Variants in NCAM2 observed in about 807,000 individuals in gnomAD.
The protein encoded by NCAM2 is neural cell adhesion molecule 2.
A neutral mutation model predicts 98.1 loss-of-function variants in NCAM2; 30 were observed. The ratio of observed to expected loss-of-function variants is 0.31; its 90% CI spans 0.23 to 0.41. The LOEUF (loss-of-function observed/expected upper bound fraction) is 0.41. Ranked by LOEUF, NCAM2 falls within the 10% of genes least tolerant of loss-of-function variation. The pLI, the probability that NCAM2 is intolerant of heterozygous loss-of-function variation, is 1.00. For missense variants in NCAM2, 867 were observed against 1,005.8 expected (o/e 0.86, Z 1.87); for synonymous variants, 368 against 342.4 (o/e 1.07, Z -0.83).
intron 8 of NCAM2, among the ~76,000 whole-genome samples, chr21:21,348,179 G>A (rs186775189): frequency 2.0e-4 from 31 of 152,176 alleles, no homozygotes; most frequent in African/African-American, 7.5e-4. Flanking sequence ...AATTATCCTT[G>A]TTTTTAGATG....
At chr21:21,289,328 G>A (rs767447959) in intron 4 of NCAM2, among the ~76,000 whole-genome samples, 7 of 151,990 alleles carry the variant, frequency 4.6e-5, no homozygotes, top group Admixed American at 1.3e-4. Context: ...TAAGAATCTA[G>A]AGGGAAAGAT....
At chr21:21,451,632 A>G (rs1427929071) in intron 12 of NCAM2, among the ~76,000 whole-genome samples, 4 of 152,164 alleles carry the variant, frequency 2.6e-5, no homozygotes, top group African/African-American at 9.6e-5. Flanking sequence ...ACAACTGTGT[A>G]ATATGTGCTA....
chr21:21,117,581 T>C (rs1355201291), intron 1 of NCAM2, among the ~76,000 whole-genome samples: 1 of 152,186 alleles, frequency 6.6e-6, no homozygotes, highest in Non-Finnish European at 1.5e-5. Context: ...TAGGAAATAC[T>C]ACAATTTGCA....
rs1351028227 is a variant in NCAM2, at chr21:21,542,167, A to G, written c.*4210A>G. ...GTCCAAATGAGAAATTTATAAAAAGACCCACATATAGTAGTTGCTGAACAA... is the reference window on the plus strand; with the variant it reads ...GTCCAAATGAGAAATTTATAAAAAGGCCCACATATAGTAGTTGCTGAACAA... On this transcript the variant is annotated 3_prime_UTR_variant, in exon 18 of 18. Coordinates refer to ENST00000400546, the MANE Select transcript of NCAM2 (RefSeq NM_004540.5). 1 of 151,862 alleles carries G rather than the reference A, an allele frequency of 6.6e-6. No homozygotes were observed. The highest frequency in any genetic ancestry group is 1.5e-5 in the Non-Finnish European group (1 of 67,840). 9.4% of individuals were successfully genotyped at this position (151,862 alleles called of 1,614,324 possible).
In NCAM2 at chr21:21,466,686, G is replaced by T. The variant is rs966622454; in HGVS notation, c.1735G>T (p.Asp579Tyr). The part of the protein sequence containing the change: ...VAAVNGKGQG[D>Y]YSKIEIFQTL... ...AGCTGTAAATGGAAAGGGACAAGGA[G>T]ACTACAGTAAAATAGAAATCTTCCA... Residue 579 changes from aspartate (D) to tyrosine (Y), a missense_variant, in exon 13 of 18, where the codon GAC (aspartate) becomes TAC (tyrosine). By Grantham distance (160) the Asp-to-Tyr change is radical. This residue lies in a region of NCAM2 where 234 missense variants were observed against 333.8 expected (regional missense o/e 0.70). Coordinates refer to ENST00000400546, the MANE Select transcript of NCAM2 (RefSeq NM_004540.5). The T allele has an allele frequency of 3.1e-6, 5 of 1,609,788 alleles. No homozygotes were observed. Among genetic ancestry groups the T allele is most frequent in the Non-Finnish European group, 4.2e-6 (5 of 1,177,380 alleles).
Position 20,998,417 on chromosome 21 carries a change from A to G in NCAM2, c.-147A>G. 1.6e-6 allele frequency: 1 copy of G among 639,100 alleles called. No individual in the cohort carries two copies. Among genetic ancestry groups the G allele is most frequent in the Non-Finnish European group, 2.6e-6 (1 of 381,502 alleles). The allele number at this position is 639,100 out of a possible 1,614,324, so 39.6% of individuals were successfully genotyped here. A position where few individuals can be genotyped will look rare whatever the true frequency, so the allele number is the denominator to read the frequency against. On this transcript the variant is annotated 5_prime_UTR_variant, in exon 1 of 18. Transcript: ENST00000400546. ...GAGCGGAGCTTGCAGTCACTTTGCGAGGAGGAGCGCGCGGGCTGCGGGCGG... is the reference window on the plus strand; with the variant it reads ...GAGCGGAGCTTGCAGTCACTTTGCGGGGAGGAGCGCGCGGGCTGCGGGCGG...
At chr21:21,092,231 G>A (rs1423599221) in intron 1 of NCAM2, among the ~76,000 whole-genome samples, 4 of 152,008 alleles carry the variant, frequency 2.6e-5, no homozygotes, top group African/African-American at 4.8e-5. Flanking sequence ...TTGTTAAACA[G>A]TTTTATGTGG....
intron 15 of NCAM2, among the ~76,000 whole-genome samples, chr21:21,492,170 C>A (rs895788166): frequency 9.2e-5 from 14 of 151,718 alleles, no homozygotes; most frequent in African/African-American, 2.9e-4. Context: ...ATCAGAAAAA[C>A]CAAATAGTCA....
chr21:21,114,211 C>T (rs1249531095), intron 1 of NCAM2, among the ~76,000 whole-genome samples: 2 of 152,102 alleles, frequency 1.3e-5, no homozygotes. Context: ...CAAGTTTTAG[C>T]AGAAAGATGT....
At chr21:21,162,528 T>G (rs2067816962) in intron 1 of NCAM2, among the ~76,000 whole-genome samples, 1 of 152,068 alleles carries the variant, frequency 6.6e-6, no homozygotes, top group Non-Finnish European at 1.5e-5. Context: ...GACTGTGGGC[T>G]GTTAAGAGAA....
At chr21:21,447,789 A>G (rs1287155088) in intron 12 of NCAM2, among the ~76,000 whole-genome samples, 1 of 152,204 alleles carries the variant, frequency 6.6e-6, no homozygotes, top group Non-Finnish European at 1.5e-5. Flanking sequence ...CAACTTACGA[A>G]TAAAAGCTTA....
At position 21,540,294 on chromosome 21, in the gene NCAM2, C is replaced by CATAT. The variant is rs67927742; in HGVS notation, c.*2346_*2349dup. 4.7e-4 allele frequency: 69 copies of CATAT among 148,022 alleles called. No individual in the cohort carries two copies. Among genetic ancestry groups the CATAT allele is most frequent in the African/African-American group, 1.6e-3 (66 of 40,468 alleles). 9.2% of individuals were successfully genotyped at this position (148,022 alleles called of 1,614,324 possible). A position where few individuals can be genotyped will look rare whatever the true frequency, so the allele number is the denominator to read the frequency against. On this transcript the variant is annotated 3_prime_UTR_variant, in exon 18 of 18. Transcript: ENST00000400546. ...ATATATATATATACACATATATATA[C>CATAT]ATATATATATATGATGTTAAATTTC...
At chr21:21,198,338 C>T (rs1405741513) in intron 1 of NCAM2, among the ~76,000 whole-genome samples, 4 of 151,528 alleles carry the variant, frequency 2.6e-5, no homozygotes, top group South Asian at 4.2e-4. Context: ...TTTCCATTTA[C>T]TTTGAGTAAG....
At chr21:21,159,337 A>G (rs2067710981) in intron 1 of NCAM2, among the ~76,000 whole-genome samples, 1 of 152,160 alleles carries the variant, frequency 6.6e-6, no homozygotes, top group Admixed American at 6.5e-5. Flanking sequence ...TAAGTTTACC[A>G]TGTTTATAAA....
intron 12 of NCAM2, among the ~76,000 whole-genome samples, chr21:21,458,703 T>A (rs1173527088): frequency 1.3e-5 from 2 of 152,176 alleles, no homozygotes; most frequent in Non-Finnish European, 2.9e-5. Flanking sequence ...TTTATAAGCC[T>A]CCTAGTTTAT....
rs2077364378 is a variant in NCAM2, at chr21:21,432,271, T to G, written c.1644T>G (p.His548Gln). ...AAATCTGGAAAATTGTACGCTCCCA[T>G]GGAGTTCAAAGTGAGTCAACAATTT... ...ASEIWKIVRS[H>Q]GVQTMVVLNN... Residue 548 changes from histidine (H) to glutamine (Q), a missense_variant, in exon 12 of 18, where the codon CAT becomes CAG. Coordinates refer to ENST00000400546, the MANE Select transcript of NCAM2 (RefSeq NM_004540.5). 1 of 1,613,660 alleles carries G rather than the reference T, an allele frequency of 6.2e-7. No individual in the cohort carries two copies. The highest frequency in any genetic ancestry group is 8.5e-7 in the Non-Finnish European group (1 of 1,179,672).
intron 8 of NCAM2, among the ~76,000 whole-genome samples, chr21:21,360,009 T>G (rs1268261275): frequency 1.3e-5 from 2 of 151,942 alleles, no homozygotes; most frequent in Non-Finnish European, 2.9e-5. Context: ...TTTGAATAAA[T>G]TATATACAAG....
chr21:21,490,650 T>C (rs1266898788), intron 15 of NCAM2, among the ~76,000 whole-genome samples: 1 of 151,890 alleles, frequency 6.6e-6, no homozygotes, highest in African/African-American at 2.4e-5. Flanking sequence ...AGCAAGCAAT[T>C]ACAACTACTG....
intron 8 of NCAM2, among the ~76,000 whole-genome samples, chr21:21,356,987 C>CAATA (rs56359248): frequency 0.54 from 78,665 of 144,688 alleles, 21,449 homozygotes; most frequent in Admixed American, 0.6. Context: ...GAAACTCCAT[C>CAATA]AATAAATAAA....
Sources: gnomAD v4.1 joint callset for allele counts (sites outside exome capture counted in the v4.1 genomes callset) on GRCh38, gnomAD v4.1.1 for gene constraint, gnomAD v4.1.1 regional missense constraint, MANE v1.5 for transcripts, NCBI Gene and HGNC (gene_info 2026-07-23, HGNC 2026-07-21) for gene names.